Variants in CYP26B1 observed in about 807,000 individuals in gnomAD.
The protein encoded by CYP26B1 is cytochrome P450 26B1.
Under a neutral mutation model 39.1 loss-of-function variants are expected in CYP26B1, and 8 were observed. That is an observed-to-expected ratio of 0.20 (90% CI 0.12 to 0.37). The LOEUF (loss-of-function observed/expected upper bound fraction) is 0.37, where lower values mean the gene tolerates loss of function less well. CYP26B1 is among the 10% of genes least tolerant of loss of function. The probability of loss-of-function intolerance (pLI) is 1.00; values close to 1 mark genes in which losing one functional copy is unlikely to be tolerated. For missense variants in CYP26B1, 615 were observed against 707.0 expected (o/e 0.87, Z 1.48); for synonymous variants, 321 against 314.3 (o/e 1.02, Z -0.23).
chr2:72,142,464 TTTTC>T (rs1676970867), intron 2 of CYP26B1, among the ~76,000 whole-genome samples: 1 of 152,178 alleles, frequency 6.6e-6, no homozygotes, highest in African/African-American at 2.4e-5. Flanking sequence ...CTCCCCGAAA[TTTTC>T]TTTGTCTCCT....
intron 1 of CYP26B1, among the ~76,000 whole-genome samples, chr2:72,146,970 C>A (rs1677138357): frequency 6.6e-6 from 1 of 152,148 alleles, no homozygotes; most frequent in Non-Finnish European, 1.5e-5. Context: ...CCCTCTCCTG[C>A]CAAACTGTCC....
At chr2:72,146,080 C>T (rs1473017267) in intron 1 of CYP26B1, among the ~76,000 whole-genome samples, 5 of 152,152 alleles carry the variant, frequency 3.3e-5, no homozygotes, top group African/African-American at 4.8e-5. Context: ...GCTTAGGTTT[C>T]CTCCTCCCTA....
chr2:72,147,550 C>T lies in CYP26B1; in HGVS notation c.204+81G>A, dbSNP rs1258752942. 1 of 1,419,972 alleles carries T rather than the reference C, an allele frequency of 7.0e-7. No homozygotes were observed. The highest frequency in any genetic ancestry group is 1.5e-5 in the African/African-American group (1 of 67,194). 88.0% of individuals were successfully genotyped at this position (1,419,972 alleles called of 1,614,324 possible). ...CCAGTGCCTTCAGGCTCCCGGCGCC[C>T]CCTGGCCGGCCCGCCGCTCCGTCTG... is the stretch of plus-strand genomic sequence containing the variant. On this transcript the variant is annotated intron_variant, in intron 1 of 5. Coordinates refer to ENST00000001146, the MANE Select transcript of CYP26B1 (RefSeq NM_019885.4). The surrounding 1 kb of genome is among the most constrained non-coding windows in gnomAD (Gnocchi z 6.1).
At chr2:72,146,561 C>T (rs1245556046) in intron 1 of CYP26B1, among the ~76,000 whole-genome samples, 2 of 152,244 alleles carry the variant, frequency 1.3e-5, no homozygotes, top group Non-Finnish European at 2.9e-5. Context: ...GGATTGCACG[C>T]GTCTGTTAAT....
intron 2 of CYP26B1, among the ~76,000 whole-genome samples, chr2:72,136,549 A>G (rs749414408): frequency 3.9e-5 from 6 of 152,200 alleles, no homozygotes; most frequent in African/African-American, 7.2e-5. Flanking sequence ...GGTGGAGGGA[A>G]GGAGGGAGGG....
chr2:72,135,364 T>C lies in CYP26B1; in HGVS notation c.485A>G (p.Gln162Arg), dbSNP rs768721885. ...GCGCAGTGTGTCCTGGATCACCAGC[T>C]GGATCTTGGGCAGGTAACTCTCCAG... ...EALESYLPKI[Q>R]LVIQDTLRAW... Residue 162 changes from glutamine to arginine, a missense_variant, in exon 3 of 6, where the codon CAG becomes CGG. Physicochemically the swap from Gln to Arg is conservative, Grantham distance 43. Coordinates refer to ENST00000001146, the MANE Select transcript of CYP26B1 (RefSeq NM_019885.4). 1 of 1,613,790 alleles carries C rather than the reference T, an allele frequency of 6.2e-7. No individual in the cohort carries two copies.
Position 72,131,267 on chromosome 2 carries a change from A to G in CYP26B1, c.*960T>C, listed in dbSNP as rs1236394088. The G allele has an allele frequency of 2.0e-5, 3 of 152,346 alleles. No homozygotes were observed. Among genetic ancestry groups the G allele is most frequent in the African/African-American group, 7.2e-5 (3 of 41,454 alleles). The allele number at this position is 152,346 out of a possible 1,614,324, so 9.4% of individuals were successfully genotyped here. A position where few individuals can be genotyped will look rare whatever the true frequency, so the allele number is the denominator to read the frequency against. ...TTCAGTCCAGGAGTGAGGCTCCGAG[A>G]TTAAACCCAAATAATGCCCGGAGCC... On this transcript the variant is annotated 3_prime_UTR_variant, in exon 6 of 6. Transcript: ENST00000001146.
intron 5 of CYP26B1, among the ~76,000 whole-genome samples, 154 bp downstream of exon 5, chr2:72,132,869 C>T (rs775202936): frequency 6.6e-5 from 10 of 152,228 alleles, no homozygotes; most frequent in East Asian, 3.9e-4. Context: ...GCATTTGGGG[C>T]GCACTTCTCC....
At chr2:72,144,520 GCCCCCA>G (rs924835693) in intron 1 of CYP26B1, 845 of 1,156,196 alleles carry the variant, frequency 7.3e-4, no homozygotes, top group Admixed American at 8.5e-4. Flanking sequence ...GGGAGTCTCC[GCCCCCA>G]CCCCCACCCC....
intron 4 of CYP26B1, among the ~76,000 whole-genome samples, chr2:72,133,965 A>G (rs1676678785): frequency 6.6e-6 from 1 of 152,196 alleles, no homozygotes; most frequent in Non-Finnish European, 1.5e-5. Context: ...ATCTCATAGC[A>G]CACCCTGCAT....
intron 5 of CYP26B1, among the ~76,000 whole-genome samples, 192 bp downstream of exon 5, chr2:72,132,829 CAT>C (rs1415008625): frequency 2.0e-5 from 3 of 152,260 alleles, no homozygotes; most frequent in Non-Finnish European, 4.4e-5. Flanking sequence ...TGTGACTTCA[CAT>C]ATGACACCCA....
rs1676488987 is a variant in CYP26B1 at position 72,129,496 on chromosome 2, T to C, written c.*2731A>G. 6.6e-6 allele frequency: 1 copy of C among 152,596 alleles called. No homozygotes were observed. The highest frequency in any genetic ancestry group is 2.4e-5 in the African/African-American group (1 of 41,436). 9.5% of individuals were successfully genotyped at this position (152,596 alleles called of 1,614,324 possible). A position where few individuals can be genotyped will look rare whatever the true frequency, so the allele number is the denominator to read the frequency against. ...CATGTTTACAATAGAGCAAAATTCA[T>C]ATTTTACTAAATAACAAATATTTAA... is the stretch of plus-strand genomic sequence containing the variant. On this transcript the variant is annotated 3_prime_UTR_variant, in exon 6 of 6. Coordinates refer to ENST00000001146, the MANE Select transcript of CYP26B1 (RefSeq NM_019885.4).
chr2:72,134,377 A>G (rs1676693842), intron 4 of CYP26B1, among the ~76,000 whole-genome samples: 1 of 151,288 alleles, frequency 6.6e-6, no homozygotes, highest in Non-Finnish European at 1.5e-5. Context: ...GGGGTGGGGG[A>G]GGATACCTCA....
intron 2 of CYP26B1, among the ~76,000 whole-genome samples, chr2:72,136,432 C>T (rs926911053): frequency 6.6e-6 from 1 of 152,272 alleles, no homozygotes; most frequent in African/African-American, 2.4e-5. Context: ...TTTTCCTGGC[C>T]TAGGCCCTGC....
At chr2:72,133,791 G>A (rs576587804) in intron 4 of CYP26B1, among the ~76,000 whole-genome samples, 41 of 152,192 alleles carry the variant, frequency 2.7e-4, no homozygotes, top group Admixed American at 6.5e-4. Context: ...TGGGTGATCA[G>A]GGGAGCCAAT....
intron 2 of CYP26B1, among the ~76,000 whole-genome samples, chr2:72,139,772 C>T (rs1676884895): frequency 6.6e-6 from 1 of 152,254 alleles, no homozygotes; most frequent in Non-Finnish European, 1.5e-5. Flanking sequence ...CTCCCAAGGT[C>T]ACAGTCCAGA....
chr2:72,142,340 GCACT>G (rs1248979759), intron 2 of CYP26B1, among the ~76,000 whole-genome samples: 1 of 152,124 alleles, frequency 6.6e-6, no homozygotes, highest in Non-Finnish European at 1.5e-5. Context: ...CTTCCTCCTA[GCACT>G]CACTGTCCAC....
intron 2 of CYP26B1, among the ~76,000 whole-genome samples, chr2:72,141,237 G>A (rs1676933595): frequency 2.6e-5 from 4 of 152,188 alleles, no homozygotes; most frequent in Admixed American, 2.6e-4. Flanking sequence ...GGTAACCCAG[G>A]AGGAGGGAGG....
At position 72,134,906 on chromosome 2, in the gene CYP26B1, G is replaced by T; in HGVS notation, c.716C>A (p.Ala239Asp). 6.2e-7 allele frequency: 1 copy of T among 1,613,908 alleles called. No individual in the cohort carries two copies. Among genetic ancestry groups the T allele is most frequent in the Non-Finnish European group, 8.5e-7 (1 of 1,180,014 alleles). The stretch of plus-strand genomic sequence containing the variant: ...CAGCCCCTTCTGCAGGATCTGCCGA[G>T]CCTGAATGCCCTGCAGAGGTGAGGG... ...PFSGYRRGIQ[A>D]RQILQKGLEK... The change falls in exon 4 of 6, where the codon GCT becomes GAT. Residue 239 changes from alanine to aspartate, a missense_variant. Coordinates refer to ENST00000001146, the MANE Select transcript of CYP26B1 (RefSeq NM_019885.4).
Sources: gnomAD v4.1 joint callset for allele counts (sites outside exome capture counted in the v4.1 genomes callset) on GRCh38, gnomAD v4.1.1 for gene constraint, Gnocchi (gnomAD v3.1) non-coding constraint, MANE v1.5 for transcripts, NCBI Gene and HGNC (gene_info 2026-07-23, HGNC 2026-07-21) for gene names.